IPO11: variants seen among roughly 807,000 people sequenced by gnomAD.
IPO11 encodes importin 11.
A neutral mutation model predicts 143.2 loss-of-function variants in IPO11; 66 were observed. The observed-to-expected ratio is 0.46, with a 90% CI of 0.38 to 0.57. The LOEUF (loss-of-function observed/expected upper bound fraction) is 0.57, where lower values mean the gene tolerates loss of function less well. Ranked by LOEUF, IPO11 falls within the 20% of genes least tolerant of loss-of-function variation. The pLI is 0.00. For missense variants in IPO11, 1,026 were observed against 1,141.0 expected (o/e 0.90, Z 1.45); for synonymous variants, 385 against 377.8 (o/e 1.02, Z -0.22).
chr5:62,445,877 TGATA>T (rs1744702674), intron 3 of IPO11, among the ~76,000 whole-genome samples: 1 of 152,284 alleles, frequency 6.6e-6, no homozygotes, highest in Admixed American at 6.5e-5. Context: ...TAATCTATTT[TGATA>T]GATAGTCATT....
At chr5:62,464,143 G>GTTT (rs34056674) in intron 5 of IPO11, among the ~76,000 whole-genome samples, 227 of 78,650 alleles carry the variant, frequency 2.9e-3, no homozygotes, top group Non-Finnish European at 3.7e-3. Context: ...GTTTTTGGTG[G>GTTT]TTTTTTTTTT....
At chr5:62,501,393 A>G (rs1741344443) in intron 16 of IPO11, among the ~76,000 whole-genome samples, 1 of 152,254 alleles carries the variant, frequency 6.6e-6, no homozygotes, top group African/African-American at 2.4e-5. Flanking sequence ...AGACATCAAA[A>G]TATTAGACCT....
chr5:62,492,492 A>G (rs924441298), intron 15 of IPO11, among the ~76,000 whole-genome samples: 1 of 152,098 alleles, frequency 6.6e-6, no homozygotes, highest in African/African-American at 2.4e-5. Context: ...TAGGTGTGTT[A>G]TAAACTTCTT....
intron 29 of IPO11, among the ~76,000 whole-genome samples, chr5:62,616,507 G>A (rs1226875394): frequency 4.6e-5 from 7 of 152,144 alleles, no homozygotes; most frequent in East Asian, 1.9e-4. Context: ...GTCGAGGCGG[G>A]TGGATCACTT....
At chr5:62,621,173 G>C (rs1255472146) in intron 29 of IPO11, among the ~76,000 whole-genome samples, 1 of 152,194 alleles carries the variant, frequency 6.6e-6, no homozygotes, top group Non-Finnish European at 1.5e-5. Context: ...GCGATGAGAA[G>C]AGAGTCTATG....
In IPO11 at chr5:62,440,345, T is replaced by TC. The variant is rs1444102230; in HGVS notation, c.139-2634dup. On this transcript the variant is annotated intron_variant, in intron 2 of 29. Transcript: ENST00000325324. ...TCTAAAATTGGCTGTATAGTGTACGTCCCCTTTTTTTTTTTTTTTTTTTAT... is the reference window on the plus strand; with the variant it reads ...TCTAAAATTGGCTGTATAGTGTACGTCCCCCTTTTTTTTTTTTTTTTTTTAT... Among the ~76,000 whole-genome samples, 19 of 148,104 alleles carry TC rather than the reference T, an allele frequency of 1.3e-4. No individual in the cohort carries two copies. The East Asian group carries it at 2.2e-3, about 18-fold the overall frequency.
intron 29 of IPO11, among the ~76,000 whole-genome samples, chr5:62,621,717 G>T (rs191428761): frequency 6.6e-6 from 1 of 152,318 alleles, no homozygotes; most frequent in East Asian, 1.9e-4. Flanking sequence ...GCTGTTATAT[G>T]CTAGCAATAA....
intron 28 of IPO11, among the ~76,000 whole-genome samples, chr5:62,596,912 T>C (rs944167502): frequency 3.9e-5 from 6 of 152,230 alleles, no homozygotes; most frequent in Non-Finnish European, 8.8e-5. Flanking sequence ...CATACACTTA[T>C]GGCTTGACTA....
intron 7 of IPO11, among the ~76,000 whole-genome samples, chr5:62,472,497 A>G (rs112347382): frequency 0.022 from 3,265 of 151,730 alleles, 60 homozygotes; most frequent in Non-Finnish European, 0.031. Context: ...ATGTTAACAA[A>G]TTAAAGACAA....
chr5:62,443,259 A>G (rs1474203699), intron 3 of IPO11, 176 bp downstream of exon 3: 1 of 447,094 alleles, frequency 2.2e-6, no homozygotes, highest in African/African-American at 2.0e-5. Flanking sequence ...TGATGTGGAG[A>G]TTTGTGAAGT....
At chr5:62,472,020 G>A (rs1295081086) in intron 7 of IPO11, among the ~76,000 whole-genome samples, 1 of 152,092 alleles carries the variant, frequency 6.6e-6, no homozygotes, top group Non-Finnish European at 1.5e-5. Context: ...GATACATTTC[G>A]ATTGCCATGC....
At chr5:62,498,941 C>T (rs762707657) in intron 16 of IPO11, among the ~76,000 whole-genome samples, 34 of 152,196 alleles carry the variant, frequency 2.2e-4, no homozygotes, top group Non-Finnish European at 4.0e-4. Flanking sequence ...CAGTAAATTA[C>T]TAGAAATTCA....
intron 27 of IPO11, among the ~76,000 whole-genome samples, chr5:62,589,217 C>G (rs183252351): frequency 2.0e-5 from 3 of 152,268 alleles, no homozygotes; most frequent in Admixed American, 2.0e-4. Flanking sequence ...CCTGCACTCC[C>G]TCTAGTTATT....
chr5:62,537,147 T>G, intron 23 of IPO11, 62 bp from the exon 24 acceptor site: 2 of 962,228 alleles, frequency 2.1e-6, no homozygotes, highest in Non-Finnish European at 3.3e-6. Flanking sequence ...CAAATGAAAT[T>G]TTATGCCTTT....
chr5:62,493,443 A>G (rs758718698), intron 15 of IPO11, among the ~76,000 whole-genome samples: 171 of 152,234 alleles, frequency 1.1e-3, no homozygotes, highest in Non-Finnish European at 2.1e-3. Context: ...TCTTTAAGAT[A>G]AAAGAGTCAG....
chr5:62,446,742 G>A (rs1290572811), intron 3 of IPO11, among the ~76,000 whole-genome samples: 1 of 152,192 alleles, frequency 6.6e-6, no homozygotes, highest in Admixed American at 6.5e-5. Context: ...GCCGAGGCGG[G>A]CAGGTCGCCT....
chr5:62,508,772 C>T (rs142619930), intron 19 of IPO11, among the ~76,000 whole-genome samples: 1,813 of 152,150 alleles, frequency 0.012, 31 homozygotes, highest in East Asian at 0.045. Context: ...TCGCCCCCAA[C>T]AGGCCCCGGT....
chr5:62,572,387 A>G (rs556308743), intron 27 of IPO11, among the ~76,000 whole-genome samples: 81 of 152,312 alleles, frequency 5.3e-4, no homozygotes, highest in African/African-American at 1.9e-3. Context: ...ACTGCATTAT[A>G]GATACTTATC....
At chr5:62,562,448 T>A (rs1213580421) in intron 27 of IPO11, among the ~76,000 whole-genome samples, 1 of 152,166 alleles carries the variant, frequency 6.6e-6, no homozygotes, top group Non-Finnish European at 1.5e-5. Flanking sequence ...CTCAAATCAT[T>A]AGGCATTAGA....
Sources: gnomAD v4.1 joint callset for allele counts (sites outside exome capture counted in the v4.1 genomes callset) on GRCh38, gnomAD v4.1.1 for gene constraint, MANE v1.5 for transcripts, NCBI Gene and HGNC (gene_info 2026-07-23, HGNC 2026-07-21) for gene names.